RNF111: variants seen among roughly 807,000 people sequenced by gnomAD.
RNF111 encodes E3 ubiquitin-protein ligase Arkadia.
RNF111 carries 17 observed loss-of-function variants against 95.1 expected under a neutral mutation model. The ratio of observed to expected loss-of-function variants is 0.18; its 90% CI spans 0.12 to 0.27. The LOEUF (loss-of-function observed/expected upper bound fraction) is 0.27. RNF111 is among the 10% of genes least tolerant of loss of function. The pLI is 1.00. For missense variants in RNF111, 1,189 were observed against 1,210.4 expected, an observed-to-expected ratio of 0.98 and a Z score of 0.26; for synonymous variants, 440 against 414.8, an observed-to-expected ratio of 1.06 and a Z score of -0.74.
intron 1 of RNF111, among the ~76,000 whole-genome samples, chr15:58,991,669 T>C (rs1283848533): frequency 6.6e-6 from 1 of 152,220 alleles, no homozygotes; most frequent in African/African-American, 2.4e-5. Context: ...CTGCTACAGA[T>C]AGCAGGGGCG....
intron 2 of RNF111, among the ~76,000 whole-genome samples, chr15:59,048,170 A>G (rs1218092974): frequency 1.1e-4 from 16 of 152,240 alleles, no homozygotes; most frequent in Non-Finnish European, 2.4e-4. Context: ...GTTCATAGCT[A>G]CTTTATTTGT....
chr15:59,080,660 G>C (rs558483578), intron 7 of RNF111, among the ~76,000 whole-genome samples: 2 of 152,124 alleles, frequency 1.3e-5, no homozygotes, highest in East Asian at 3.9e-4. Flanking sequence ...TTTTATCAGT[G>C]GGGATTTTGT....
chr15:58,991,804 G>A (rs1732554551), intron 1 of RNF111, among the ~76,000 whole-genome samples: 1 of 152,170 alleles, frequency 6.6e-6, no homozygotes, highest in South Asian at 2.1e-4. Flanking sequence ...TATTTTATGT[G>A]TAGTAACCAA....
chr15:59,067,078 G>T lies in RNF111; in HGVS notation c.1681G>T (p.Glu561Ter). Reference protein sequence around the residue: ...ANSSSGTSYHEQQALPVDLSN... With the variant: ...ANSSSGTSYH The stretch of plus-strand genomic sequence containing the variant: ...TAGTAGTTCTGGTACCAGCTATCAT[G>T]AACAGGTATGTGGAATTTGAGTCAG... The change falls in exon 6 of 14, where the codon GAA becomes TAA. Residue 561 changes from glutamate (E) to a stop codon, truncating the protein, a stop_gained. Transcript: ENST00000348370. LOFTEE classifies it high-confidence loss of function. 1.2e-6 allele frequency: 2 copies of T among 1,613,186 alleles called. No individual in the cohort carries two copies. Among genetic ancestry groups the T allele is most frequent in the South Asian group, 2.2e-5 (2 of 90,970 alleles).
chr15:59,055,420 T>C (rs1477288405), intron 3 of RNF111, among the ~76,000 whole-genome samples: 2 of 152,322 alleles, frequency 1.3e-5, no homozygotes, highest in Non-Finnish European at 2.9e-5. Context: ...GGGTAAATTC[T>C]CAAAAGTAAC....
At chr15:59,030,677 G>C in intron 1 of RNF111, 127 bp from the exon 2 acceptor site, 1 of 606,210 alleles carries the variant, frequency 1.6e-6, no homozygotes. Flanking sequence ...GACATTTTGT[G>C]TACTGATGAG....
chr15:59,011,816 A>G (rs1188899921), intron 1 of RNF111, among the ~76,000 whole-genome samples: 3 of 152,024 alleles, frequency 2.0e-5, no homozygotes, highest in Non-Finnish European at 2.9e-5. Context: ...TAGGACTTCA[A>G]CGTATGAATT....
At chr15:59,072,801 T>G (rs1211795312) in intron 6 of RNF111, among the ~76,000 whole-genome samples, 1 of 151,176 alleles carries the variant, frequency 6.6e-6, no homozygotes, top group Non-Finnish European at 1.5e-5. Context: ...AGATTCTATC[T>G]CAAGAAACCA....
intron 8 of RNF111, 84 bp from the exon 9 acceptor site, chr15:59,084,045 C>G: frequency 7.7e-7 from 1 of 1,297,978 alleles, no homozygotes; most frequent in Non-Finnish European, 1.0e-6. Flanking sequence ...AGTATTAATA[C>G]TAGGGATTTT....
At position 59,009,998 on chromosome 15, in the gene RNF111, GTTAA is replaced by G. The variant is rs528547202; in HGVS notation, c.-19-20802_-19-20799del. Among the ~76,000 whole-genome samples the G allele has an allele frequency of 4.6e-5, 7 of 152,168 alleles. No homozygotes were observed. The East Asian group carries it at 1.2e-3, about 25-fold the overall frequency. On this transcript the variant is annotated intron_variant, in intron 1 of 13. Coordinates refer to ENST00000348370, the MANE Select transcript of RNF111 (RefSeq NM_017610.8). ...TTAAAATGATTTTGCTAAATTGTAAGTTAATTATTTTCAGGTTCTGATTTTGTCA... is the reference window on the plus strand; with the variant it reads ...TTAAAATGATTTTGCTAAATTGTAAGTTATTTTCAGGTTCTGATTTTGTCA...
chr15:59,041,961 A>T (rs911415423), intron 2 of RNF111, among the ~76,000 whole-genome samples: 2,150 of 99,748 alleles, frequency 0.022, 19 homozygotes, highest in Non-Finnish European at 0.027. Context: ...GTCTGTTCAT[A>T]TTTTTTTTTT....
Position 59,066,787 on chromosome 15 carries a change from A to G in RNF111, c.1390A>G (p.Ser464Gly), listed in dbSNP as rs746968972. 15 of 1,613,878 alleles carry G rather than the reference A, an allele frequency of 9.3e-6. No homozygotes were observed. The highest frequency in any genetic ancestry group is 6.7e-5 in the East Asian group (3 of 44,890). The change falls in exon 6 of 14, where the codon AGT becomes GGT. Residue 464 changes from serine (S) to glycine (G), a missense_variant. Coordinates refer to ENST00000348370, the MANE Select transcript of RNF111 (RefSeq NM_017610.8). ...AGATGACTCAAGGAGAACTACATCT[A>G]GTGCTGTAACGGAAACTGGCCCTCC... ...IGDDSRRTTS[S>G]AVTETGPPAM... is the part of the protein sequence containing the mutation.
At chr15:59,001,682 A>C (rs907348071) in intron 1 of RNF111, among the ~76,000 whole-genome samples, 1 of 152,202 alleles carries the variant, frequency 6.6e-6, no homozygotes, top group African/African-American at 2.4e-5. Context: ...TAATACTTTT[A>C]TTAAGTGAAG....
chr15:59,089,058 CAG>C (rs1245928201), intron 10 of RNF111, among the ~76,000 whole-genome samples: 3 of 152,124 alleles, frequency 2.0e-5, no homozygotes. Flanking sequence ...CAGCTGGGAA[CAG>C]AGTTGCATGT....
chr15:59,092,559 A>G lies in RNF111; in HGVS notation c.2762A>G (p.Asp921Gly), dbSNP rs1363779471. 20 of 1,612,748 alleles carry G rather than the reference A, an allele frequency of 1.2e-5. No homozygotes were observed. The Admixed American group carries it at 2.7e-4, about 22-fold the overall frequency. The change falls in exon 13 of 14, where the codon GAT becomes GGT. Residue 921 changes from aspartate to glycine, a missense_variant. Physicochemically the swap from Asp to Gly is moderately conservative, Grantham distance 94. Transcript: ENST00000348370. ...CAGAGGAAACTGCACTGCAAACAAG[A>G]TGGGGAAGAAGGGACTGAGGAAGAC... ...YKKRKLHCKQ[D>G]GEEGTEEDTE...
chr15:59,028,680 A>G (rs1032407545), intron 1 of RNF111, among the ~76,000 whole-genome samples: 4 of 152,088 alleles, frequency 2.6e-5, no homozygotes, highest in Admixed American at 2.6e-4. Flanking sequence ...GTTATGACTA[A>G]TGTTGCTGTT....
chr15:59,072,514 C>T (rs941229086), intron 6 of RNF111, among the ~76,000 whole-genome samples: 4 of 131,766 alleles, frequency 3.0e-5, no homozygotes, highest in African/African-American at 6.0e-5. Context: ...AGTGCAGTGG[C>T]GTGATCTCGG....
At position 59,095,301 on chromosome 15, in the gene RNF111, CTTTAA is replaced by C. The variant is rs1233283875; in HGVS notation, c.*408_*412del. 5 of 186,026 alleles carry C rather than the reference CTTTAA, an allele frequency of 2.7e-5. No individual in the cohort carries two copies. In the South Asian group the frequency reaches 4.1e-4, roughly 15 times the overall value. The allele number at this position is 186,026 out of a possible 1,614,324, so 11.5% of individuals were successfully genotyped here. ...TATGAATTTTTTATCCATTACTAAC[CTTTAA>C]TTTAATCAATCATGTACTTTAGTTT... On this transcript the variant is annotated 3_prime_UTR_variant, in exon 14 of 14. Coordinates refer to ENST00000348370, the MANE Select transcript of RNF111 (RefSeq NM_017610.8).
intron 1 of RNF111, among the ~76,000 whole-genome samples, chr15:59,007,627 G>A (rs1364641949): frequency 6.6e-6 from 1 of 151,854 alleles, no homozygotes; most frequent in South Asian, 2.1e-4. Context: ...AGCTGCCAGA[G>A]AGTCATGTGT....
Sources: gnomAD v4.1 joint callset for allele counts (sites outside exome capture counted in the v4.1 genomes callset) on GRCh38, gnomAD v4.1.1 for gene constraint, MANE v1.5 for transcripts, NCBI Gene and HGNC (gene_info 2026-07-23, HGNC 2026-07-21) for gene names.